Variants in TMEM260 observed in about 807,000 individuals in gnomAD.
The protein encoded by TMEM260 is transmembrane protein 260.
A neutral mutation model predicts 88.9 loss-of-function variants in TMEM260; 82 were observed. The ratio of observed to expected loss-of-function variants is 0.92; its 90% CI spans 0.77 to 1.11. The LOEUF (loss-of-function observed/expected upper bound fraction) is 1.11, where lower values mean the gene tolerates loss of function less well. Ranked by LOEUF, TMEM260 falls within the 50% of genes least tolerant of loss-of-function variation. The pLI, the probability that TMEM260 is intolerant of heterozygous loss-of-function variation, is 0.00. For synonymous variants in TMEM260, 314 were observed against 309.3 expected, an observed-to-expected ratio of 1.02 and a Z score of -0.16; for missense variants, 902 against 853.4, an observed-to-expected ratio of 1.06 and a Z score of -0.71.
downstream of TMEM260, among the ~76,000 whole-genome samples, chr14:56,651,770 T>C (rs184185703): frequency 8.7e-4 from 133 of 152,232 alleles, 1 homozygote; most frequent in Non-Finnish European, 1.2e-3. Context: ...AAATCTAAGG[T>C]TTAACCATTT....
downstream of TMEM260, chr14:56,650,076 C>T (rs184314227): frequency 1.3e-5 from 6 of 455,736 alleles, no homozygotes; most frequent in East Asian, 3.5e-4. Context: ...GGCTAGTGTA[C>T]AGACTCCATA....
intron 3 of TMEM260, among the ~76,000 whole-genome samples, chr14:56,586,318 A>G (rs539657052): frequency 4.0e-4 from 61 of 152,306 alleles, no homozygotes; most frequent in African/African-American, 1.4e-3. Flanking sequence ...ATTATATTGT[A>G]TTCTAAATAT....
chr14:56,659,777 C>A, the TMEM260 span, among the ~76,000 whole-genome samples: 1 of 152,204 alleles, frequency 6.6e-6, no homozygotes, highest in African/African-American at 2.4e-5. Context: ...GTTTTTGTAG[C>A]TTCATTAGCA....
Sources: gnomAD v4.1 joint callset for allele counts (sites outside exome capture counted in the v4.1 genomes callset) on GRCh38, gnomAD v4.1.1 for gene constraint, MANE v1.5 for transcripts, NCBI Gene and HGNC (gene_info 2026-07-23, HGNC 2026-07-21) for gene names.